The following UGT1A5 variants were observed in gnomAD, a reference collection of about 807,000 sequenced individuals.
The protein encoded by UGT1A5 is UDP glucuronosyltransferase family 1 member A5.
UGT1A5 carries 29 observed loss-of-function variants against 40.3 expected under a neutral mutation model. That is an observed-to-expected ratio of 0.72 (90% CI 0.54 to 0.98). UGT1A5 has a LOEUF of 0.98. UGT1A5 is among the 50% of genes least tolerant of loss of function. UGT1A5 has a pLI of 0.00. For missense variants in UGT1A5, 678 were observed against 677.9 expected (o/e 1.00, Z 0.00); for synonymous variants, 257 against 262.5 (o/e 0.98, Z 0.20).
intron 1 of UGT1A5, chr2:233,729,358 A>T: frequency 1.9e-6 from 3 of 1,614,176 alleles, no homozygotes; most frequent in East Asian, 4.5e-5. Context: ...TTTCACCCTG[A>T]CAACCTATGC....
intron 1 of UGT1A5, among the ~76,000 whole-genome samples, chr2:233,736,258 T>G (rs1302567098): frequency 2.0e-5 from 3 of 152,238 alleles, no homozygotes; most frequent in Non-Finnish European, 2.9e-5. Flanking sequence ...ATTTCATTAA[T>G]TTGATCTTCA....
At chr2:233,729,661 G>T in intron 1 of UGT1A5, 1 of 1,613,902 alleles carries the variant, frequency 6.2e-7, no homozygotes, top group Non-Finnish European at 8.5e-7. Flanking sequence ...CATTCCATGT[G>T]ATTTAGACTT....
At chr2:233,747,199 G>C in intron 1 of UGT1A5, 1 of 1,604,214 alleles carries the variant, frequency 6.2e-7, no homozygotes, top group African/African-American at 1.3e-5. Context: ...TCAGCTGTCC[G>C]TGTCTTCTGC....
In UGT1A5 at chr2:233,746,936, G is replaced by T. The variant is rs185798867; in HGVS notation, c.868-20098G>T. 1.2e-3 allele frequency among the ~76,000 whole-genome samples: 184 copies of T among 151,904 alleles called. 4 individuals carry two copies. Among genetic ancestry groups the T allele is most frequent in the African/African-American group, 4.2e-3 (172 of 41,190 alleles). ...TTCCACAGGCCTTTGTTGGGAATTGGATGAGAAACAAGAGCTTGAACTTGG... is the reference window on the plus strand; with the variant it reads ...TTCCACAGGCCTTTGTTGGGAATTGTATGAGAAACAAGAGCTTGAACTTGG... On this transcript the variant is annotated intron_variant, in intron 1 of 4. Transcript: ENST00000373414.
chr2:233,759,599 A>ACCCCCCCCCCCC (rs1553620419), intron 1 of UGT1A5, among the ~76,000 whole-genome samples: 28 of 108,656 alleles, frequency 2.6e-4, no homozygotes, highest in African/African-American at 6.5e-4. Context: ...CCCACCCCCG[A>ACCCCCCCCCCCC]CCCGCCCCAC....
intron 1 of UGT1A5, among the ~76,000 whole-genome samples, chr2:233,717,290 C>T (rs3806592): frequency 0.42 from 63,446 of 151,946 alleles, 14,273 homozygotes; most frequent in African/African-American, 0.59. Flanking sequence ...ATGTTGCACC[C>T]ACAGCTGAGA....
At chr2:233,766,637 C>G (rs1389389579) in intron 1 of UGT1A5, among the ~76,000 whole-genome samples, 2 of 152,186 alleles carry the variant, frequency 1.3e-5, no homozygotes, top group African/African-American at 4.8e-5. Flanking sequence ...TTCCCTACTT[C>G]CATATCATTT....
At chr2:233,742,595 T>C (rs1692031315) in intron 1 of UGT1A5, among the ~76,000 whole-genome samples, 1 of 151,868 alleles carries the variant, frequency 6.6e-6, no homozygotes, top group African/African-American at 2.4e-5. Flanking sequence ...CCCAGCAACC[T>C]ACCATAGTTG....
chr2:233,740,777 G>C (rs541057948), intron 1 of UGT1A5: 2 of 151,918 alleles, frequency 1.3e-5, no homozygotes, highest in South Asian at 4.2e-4. Flanking sequence ...TTGTATAAAA[G>C]ATGAATACCC....
At chr2:233,729,533 C>T (rs746765589) in intron 1 of UGT1A5, 8 of 1,614,138 alleles carry the variant, frequency 5.0e-6, no homozygotes, top group South Asian at 3.3e-5. Context: ...CATAATGAGG[C>T]CCTGATCAGG....
chr2:233,727,229 T>C (rs1169442036), intron 1 of UGT1A5, among the ~76,000 whole-genome samples: 2 of 152,184 alleles, frequency 1.3e-5, no homozygotes, highest in African/African-American at 2.4e-5. Flanking sequence ...CATATGCGGA[T>C]GGCTCCAAGT....
At chr2:233,717,349 C>T (rs1413249189) in intron 1 of UGT1A5, among the ~76,000 whole-genome samples, 1 of 152,208 alleles carries the variant, frequency 6.6e-6, no homozygotes. Context: ...AAATCGTCCT[C>T]CCCTGGGGAG....
chr2:233,729,955 G>A, intron 1 of UGT1A5: 1 of 1,614,014 alleles, frequency 6.2e-7, no homozygotes, highest in African/African-American at 1.3e-5. Flanking sequence ...GGTCTTCATT[G>A]GGGGCATCAA....
intron 1 of UGT1A5, among the ~76,000 whole-genome samples, chr2:233,735,339 T>G (rs1056442673): frequency 6.6e-6 from 1 of 151,862 alleles, no homozygotes; most frequent in Non-Finnish European, 1.5e-5. Context: ...AACCCCTGCT[T>G]TTTTTTTGCT....
At chr2:233,754,387 G>C in intron 1 of UGT1A5, 1 of 304,284 alleles carries the variant, frequency 3.3e-6, no homozygotes, top group South Asian at 3.1e-5. Context: ...ACAAACAGAG[G>C]TCCTATCCGT....
At chr2:233,761,445 T>C (rs1438331604) in intron 1 of UGT1A5, among the ~76,000 whole-genome samples, 2 of 152,234 alleles carry the variant, frequency 1.3e-5, no homozygotes, top group African/African-American at 4.8e-5. Flanking sequence ...CACAGAATGC[T>C]GGGTTTGGGG....
chr2:233,740,275 T>C (rs1342427185), intron 1 of UGT1A5, among the ~76,000 whole-genome samples: 1 of 151,910 alleles, frequency 6.6e-6, no homozygotes, highest in Non-Finnish European at 1.5e-5. Context: ...ATTGAAGTTA[T>C]ACTGAAAGGG....
chr2:233,755,447 T>C (rs1695920432), intron 1 of UGT1A5: 1 of 310,986 alleles, frequency 3.2e-6, no homozygotes, highest in Non-Finnish European at 6.3e-6. Flanking sequence ...GCAGTGCTCC[T>C]GGGACTGGCC....
chr2:233,713,284 A>T lies in UGT1A5; in HGVS notation c.293A>T (p.Gln98Leu). 6.2e-7 allele frequency: 1 copy of T among 1,614,270 alleles called. No homozygotes were observed. Among genetic ancestry groups the T allele is most frequent in the Non-Finnish European group, 8.5e-7 (1 of 1,180,056 alleles). ...EFDRLLLGHTQSFFETEHLLM... is the reference protein window; with the variant it reads ...EFDRLLLGHTLSFFETEHLLM... ...GATCGCCTTTTGCTGGGTCACACTC[A>T]ATCGTTCTTTGAAACAGAACATCTT... Residue 98 changes from glutamine to leucine, a missense_variant, in exon 1 of 5, where the codon CAA becomes CTA. Gln to Leu is a moderately radical substitution (Grantham distance 113). Coordinates refer to ENST00000373414, the MANE Select transcript of UGT1A5 (RefSeq NM_019078.2).
Sources: gnomAD v4.1 joint callset for allele counts (sites outside exome capture counted in the v4.1 genomes callset) on GRCh38, gnomAD v4.1.1 for gene constraint, MANE v1.5 for transcripts, NCBI Gene and HGNC (gene_info 2026-07-23, HGNC 2026-07-21) for gene names.